The following VTA1 variants were observed in gnomAD, a reference collection of about 807,000 sequenced individuals.
The protein encoded by VTA1 is vesicle trafficking 1.
A neutral mutation model predicts 36.9 loss-of-function variants in VTA1; 24 were observed. That is an observed-to-expected ratio of 0.65 (90% CI 0.47 to 0.91). VTA1 has a LOEUF of 0.91. Among genes scored for constraint, VTA1 ranks in the 40% least tolerant of loss-of-function variants. The pLI, the probability that VTA1 is intolerant of heterozygous loss-of-function variation, is 0.00. For missense variants in VTA1, 393 were observed against 377.2 expected, an observed-to-expected ratio of 1.04 and a Z score of -0.35; for synonymous variants, 142 against 130.2, an observed-to-expected ratio of 1.09 and a Z score of -0.62.
At chr6:142,206,275 G>A (rs1308968667) in intron 7 of VTA1, among the ~76,000 whole-genome samples, 1 of 152,152 alleles carries the variant, frequency 6.6e-6, no homozygotes, top group African/African-American at 2.4e-5. Flanking sequence ...CACAAAACAA[G>A]TGGGATTTGA....
At chr6:142,195,496 ATTT>A (rs924484875) in intron 5 of VTA1, among the ~76,000 whole-genome samples, 2 of 144,686 alleles carry the variant, frequency 1.4e-5, no homozygotes, top group African/African-American at 2.6e-5. Context: ...AGATGTTTTA[ATTT>A]TTTTTATTAT....
intron 1 of VTA1, among the ~76,000 whole-genome samples, chr6:142,163,798 T>C (rs890599051): frequency 3.9e-5 from 6 of 152,072 alleles, no homozygotes; most frequent in Non-Finnish European, 8.8e-5. Context: ...TGATCACCTA[T>C]CCATATGAGT....
chr6:142,196,308 A>G (rs1406744992), intron 5 of VTA1, among the ~76,000 whole-genome samples: 1 of 151,984 alleles, frequency 6.6e-6, no homozygotes, highest in East Asian at 1.9e-4. Flanking sequence ...CTTGTCATTG[A>G]TTCTATTTGT....
At chr6:142,188,042 G>A (rs780848898) in intron 4 of VTA1, among the ~76,000 whole-genome samples, 2 of 149,404 alleles carry the variant, frequency 1.3e-5, no homozygotes, top group Non-Finnish European at 3.0e-5. Flanking sequence ...TGAGTAGCTG[G>A]GATTACAGGT....
intron 7 of VTA1, among the ~76,000 whole-genome samples, chr6:142,208,273 C>A (rs1023270094): frequency 4.4e-4 from 67 of 151,892 alleles, no homozygotes; most frequent in African/African-American, 1.4e-3. Context: ...AATCTTGGAA[C>A]TGAGAAATAC....
At chr6:142,208,085 CAAAAAAAAAAAAA>C (rs567010868) in intron 7 of VTA1, among the ~76,000 whole-genome samples, 1 of 99,526 alleles carries the variant, frequency 1.0e-5, no homozygotes, top group African/African-American at 4.1e-5. Flanking sequence ...AGACTTCCAT[CAAAAAAAAAAAAA>C]AAAAAAAAAA....
At chr6:142,155,500 T>G (rs1778646289) in intron 1 of VTA1, among the ~76,000 whole-genome samples, 1 of 152,180 alleles carries the variant, frequency 6.6e-6, no homozygotes, top group Non-Finnish European at 1.5e-5. Flanking sequence ...GCATCTTTTA[T>G]AACGTGAGGG....
At chr6:142,201,391 A>T (rs1050322301) in intron 6 of VTA1, among the ~76,000 whole-genome samples, 3 of 151,930 alleles carry the variant, frequency 2.0e-5, no homozygotes, top group African/African-American at 7.2e-5. Flanking sequence ...ACTAATTTGC[A>T]GTTTTTAGTT....
intron 3 of VTA1, 36 bp from the exon 4 acceptor site, chr6:142,170,310 C>T (rs1200809112): frequency 2.9e-6 from 4 of 1,401,974 alleles, no homozygotes; most frequent in Non-Finnish European, 3.8e-6. Flanking sequence ...TAATGTGTTT[C>T]ATATTTAAAC....
chr6:142,171,248 C>T (rs912510470), intron 4 of VTA1, among the ~76,000 whole-genome samples: 3 of 152,040 alleles, frequency 2.0e-5, no homozygotes, highest in African/African-American at 4.8e-5. Flanking sequence ...GCGGATGCCA[C>T]GACACCCAGC....
At chr6:142,195,307 GT>G (rs1026757879) in intron 5 of VTA1, among the ~76,000 whole-genome samples, 112 of 152,058 alleles carry the variant, frequency 7.4e-4, no homozygotes, top group African/African-American at 2.6e-3. Context: ...GTGAGTTATG[GT>G]ATTTTGTATC....
chr6:142,150,025 T>C (rs917600059), intron 1 of VTA1, among the ~76,000 whole-genome samples: 2 of 152,216 alleles, frequency 1.3e-5, no homozygotes, highest in African/African-American at 4.8e-5. Flanking sequence ...CACCTCCCTA[T>C]ATTTTATTGT....
intron 4 of VTA1, among the ~76,000 whole-genome samples, chr6:142,173,791 A>G (rs1457331138): frequency 6.6e-6 from 1 of 152,176 alleles, no homozygotes; most frequent in South Asian, 2.1e-4. Context: ...TTAATGAAGA[A>G]CCATCTTCCT....
intron 7 of VTA1, among the ~76,000 whole-genome samples, chr6:142,209,607 G>C: frequency 6.8e-6 from 1 of 146,636 alleles, no homozygotes; most frequent in South Asian, 2.2e-4. Context: ...TACAAAAAAT[G>C]TAATACAAAA....
intron 1 of VTA1, among the ~76,000 whole-genome samples, chr6:142,147,838 C>T (rs375456181): frequency 6.6e-5 from 10 of 152,286 alleles, no homozygotes; most frequent in African/African-American, 2.4e-4. Flanking sequence ...TTTATGACAG[C>T]ATGCAAGCCC....
chr6:142,201,321 G>A (rs1046087227), intron 6 of VTA1, among the ~76,000 whole-genome samples: 2 of 151,712 alleles, frequency 1.3e-5, no homozygotes, highest in Admixed American at 1.3e-4. Context: ...CTCATATAAA[G>A]GTCCAGGATG....
In VTA1 at chr6:142,181,094, A is replaced by AAATATATATATAT. The variant is rs1471429927; in HGVS notation, c.412-8331_412-8330insATATATATATATA. On this transcript the variant is annotated intron_variant, in intron 4 of 7. Coordinates refer to ENST00000367630, the MANE Select transcript of VTA1 (RefSeq NM_016485.5). Reference sequence around the variant, plus strand: ...AATGGTACAGAAAAAAAAAAAAAAAAATATATATATATATATATATATACA... The same window carrying AAATATATATATAT: ...AATGGTACAGAAAAAAAAAAAAAAAAAATATATATATATATATATATATATATATATATATACA... Among the ~76,000 whole-genome samples the AAATATATATATAT allele has an allele frequency of 1.2e-3, 44 of 36,446 alleles. 1 individual carries two copies. Among genetic ancestry groups the AAATATATATATAT allele is most frequent in the African/African-American group, 3.1e-3 (41 of 13,128 alleles). 23.9% of individuals were successfully genotyped at this position (36,446 alleles called of 152,430 possible).
At chr6:142,175,175 A>G (rs1051356993) in intron 4 of VTA1, among the ~76,000 whole-genome samples, 6 of 152,154 alleles carry the variant, frequency 3.9e-5, no homozygotes, top group Admixed American at 6.6e-5. Context: ...GAATTATGCA[A>G]TTTACATAAC....
chr6:142,168,338 C>A (rs1010229346), intron 2 of VTA1, among the ~76,000 whole-genome samples: 3 of 151,620 alleles, frequency 2.0e-5, no homozygotes, highest in Non-Finnish European at 4.4e-5. Flanking sequence ...AGCATTAAAT[C>A]TTTTCTGGAC....
Sources: allele counts gnomAD v4.1 joint callset (sites outside exome capture counted in the v4.1 genomes callset), GRCh38; gene constraint gnomAD v4.1.1; transcripts MANE v1.5; gene names NCBI Gene and HGNC (gene_info 2026-07-23, HGNC 2026-07-21).